Variants in BCOR observed in about 807,000 individuals in gnomAD.
BCOR encodes the protein BCL-6 corepressor.
A neutral mutation model predicts 86.7 loss-of-function variants in BCOR; 10 were observed. The ratio of observed to expected loss-of-function variants is 0.12; its 90% CI spans 0.07 to 0.20. BCOR has a LOEUF of 0.20. BCOR is among the 10% of genes least tolerant of loss of function. The pLI, the probability that BCOR is intolerant of heterozygous loss-of-function variation, is 1.00. For missense variants in BCOR, 1,259 were observed against 1,452.1 expected (o/e 0.87, Z 2.16); for synonymous variants, 611 against 609.0 (o/e 1.00, Z -0.05).
chrX:40,109,259 G>C (rs1385075774), intron 1 of BCOR, among the ~76,000 whole-genome samples: 1 of 112,123 alleles, frequency 8.9e-6, no homozygotes, highest in Non-Finnish European at 1.9e-5. Flanking sequence ...TCCTCGGCGC[G>C]GGTGCCCCCA....
At chrX:40,162,204 T>C (rs1207173773) in intron 1 of BCOR, among the ~76,000 whole-genome samples, 1 of 112,304 alleles carries the variant, frequency 8.9e-6, no homozygotes, top group East Asian at 2.8e-4. Flanking sequence ...TTCTTCTGGA[T>C]CAGAGACATA....
intron 7 of BCOR, 122 bp from the exon 8 acceptor site, chrX:40,064,074 G>T: frequency 1.5e-6 from 1 of 645,702 alleles, no homozygotes; most frequent in Non-Finnish European, 2.3e-6. Context: ...TTTGGGAAGG[G>T]GCCTAATCAT....
intron 1 of BCOR, among the ~76,000 whole-genome samples, chrX:40,152,590 G>A (rs1300820142): frequency 8.9e-6 from 1 of 112,900 alleles, no homozygotes; most frequent in Non-Finnish European, 1.9e-5. Flanking sequence ...CAAACACCAC[G>A]CCGCTTTCTC....
At chrX:40,104,160 G>A (rs1176020245) in intron 1 of BCOR, among the ~76,000 whole-genome samples, 1 of 111,394 alleles carries the variant, frequency 9.0e-6, no homozygotes, top group Non-Finnish European at 1.9e-5. Context: ...CCAAGCTCGC[G>A]GCTGGGTTTT....
chrX:40,080,815 CGTGTGTGTGTGT>C (rs533981374), intron 1 of BCOR, among the ~76,000 whole-genome samples: 1,848 of 65,959 alleles, frequency 0.028, 69 homozygotes, highest in East Asian at 0.064. Flanking sequence ...GGTTCACTGT[CGTGTGTGTGTGT>C]GTGTGTGTGT....
At chrX:40,172,153 C>T (rs973714749) in intron 1 of BCOR, among the ~76,000 whole-genome samples, 4 of 112,773 alleles carry the variant, frequency 3.5e-5, no homozygotes, top group African/African-American at 1.3e-4. Context: ...AGTCAAGCTG[C>T]GGCCAATGCA....
At position 40,064,572 on chromosome X, in the gene BCOR, C is replaced by G. The variant is rs772117755; in HGVS notation, c.3266G>C (p.Arg1089Pro). Residue 1089 changes from arginine (R) to proline (P), a missense_variant, in exon 7 of 15, where the codon CGT (arginine) becomes CCT (proline). Arg to Pro is a moderately radical substitution (Grantham distance 103, BLOSUM62 -2). Coordinates refer to ENST00000378444, the MANE Select transcript of BCOR (RefSeq NM_001123385.2). ...RCEYSVGNKH[R>P]DPFEAPEDKD... ...GTCCTCTGGGGCTTCAAAGGGATCA[C>G]GGTGCTTGTTTCCAACACTATACTC... 1 of 1,211,695 alleles carries G rather than the reference C, an allele frequency of 8.3e-7. No individual in the cohort carries two copies. Among genetic ancestry groups the G allele is most frequent in the Admixed American group, 2.2e-5 (1 of 46,118 alleles).
intron 6 of BCOR, 85 bp from the exon 7 acceptor site, chrX:40,064,684 A>G: frequency 9.4e-7 from 1 of 1,058,345 alleles, no homozygotes. Context: ...TGGGACCACC[A>G]TGCCCAAGGT....
intron 1 of BCOR, among the ~76,000 whole-genome samples, chrX:40,153,935 G>A (rs1938225557): frequency 9.1e-6 from 1 of 110,197 alleles, no homozygotes; most frequent in African/African-American, 3.3e-5. Context: ...GCGCCGTGGG[G>A]GGCAGGGGGC....
chrX:40,066,985 G>C (rs1204378074), intron 6 of BCOR, among the ~76,000 whole-genome samples: 1 of 92,129 alleles, frequency 1.1e-5, no homozygotes. Context: ...CTTTGGATTT[G>C]ACTTCCACAG....
chrX:40,120,476 G>A (rs998583414), intron 1 of BCOR, among the ~76,000 whole-genome samples: 14 of 111,536 alleles, frequency 1.3e-4, no homozygotes, highest in Non-Finnish European at 1.9e-4. Context: ...TTTTCTCTGC[G>A]CAGTTTTAGG....
rs2147996906 is a variant in BCOR at position 40,154,998 on chromosome X, T to C, written c.-41+22009A>G. 1.8e-5 allele frequency among the ~76,000 whole-genome samples: 2 copies of C among 110,284 alleles called. 1 individual carries two copies. Among genetic ancestry groups the C allele is most frequent in the South Asian group, 7.8e-4 (2 of 2,564 alleles). On this transcript the variant is annotated intron_variant, in intron 1 of 14. Transcript: ENST00000342274. ...CACACGCACGCGCGCGCGCGTCCTC[T>C]CCGCCTGCCCGAGCGCCCGCCGCGG... is the stretch of plus-strand genomic sequence containing the variant.
chrX:40,139,037 T>C (rs1347925745), intron 1 of BCOR, among the ~76,000 whole-genome samples: 1 of 109,317 alleles, frequency 9.1e-6, no homozygotes, highest in Non-Finnish European at 1.9e-5. Context: ...GGCTCCCCCA[T>C]ACTAACTACG....
At chrX:40,100,207 A>G (rs1295806632), upstream of BCOR, among the ~76,000 whole-genome samples, 1 of 113,047 alleles carries the variant, frequency 8.8e-6, no homozygotes, top group East Asian at 2.8e-4. Flanking sequence ...AAACAAGTCA[A>G]AAATAACCGG....
upstream of BCOR, among the ~76,000 whole-genome samples, chrX:40,101,266 C>T (rs1937068954): frequency 9.0e-6 from 1 of 111,623 alleles, no homozygotes; most frequent in Non-Finnish European, 1.9e-5. Flanking sequence ...GCCCCCTCCT[C>T]TCCTGCCCTC....
Position 40,052,143 on chromosome X carries a change from T to G in BCOR, c.5234A>C (p.His1745Pro), listed in dbSNP as rs587778100. Residue 1745 changes from histidine to proline, a missense_variant, in exon 15 of 15, where the codon CAC becomes CCC. Physicochemically the swap from His to Pro is moderately conservative, Grantham distance 77. Transcript: ENST00000378444. ...TLLGSSVEWL[H>P]PSDLASDNYW is the part of the protein sequence containing the mutation. ...GTTGTCTGAGGCCAGATCACTGGGG[T>G]GGAGCCACTCTACAGAGGAGCCCAG... is the stretch of plus-strand genomic sequence containing the variant. 8.3e-5 allele frequency: 100 copies of G among 1,200,230 alleles called. No individual in the cohort carries two copies. The highest frequency in any genetic ancestry group is 1.1e-4 in the Non-Finnish European group (94 of 889,804).
At chrX:40,155,123 C>G (rs949349721) in intron 1 of BCOR, among the ~76,000 whole-genome samples, 1 of 111,380 alleles carries the variant, frequency 9.0e-6, no homozygotes, top group Non-Finnish European at 1.9e-5. Flanking sequence ...GAGCCGGGGC[C>G]ACCTCGCCGT....
intron 1 of BCOR, among the ~76,000 whole-genome samples, chrX:40,095,154 C>A (rs373142112): frequency 7.2e-4 from 80 of 111,756 alleles, no homozygotes; most frequent in African/African-American, 2.3e-3. Flanking sequence ...CTTCCCCCCC[C>A]ACTCCGCTCT....
upstream of BCOR, among the ~76,000 whole-genome samples, chrX:40,099,342 G>A (rs1016385708): frequency 9.0e-5 from 10 of 111,584 alleles, no homozygotes; most frequent in South Asian, 3.9e-4. Context: ...GGGTAGGAGT[G>A]GGGGAGGGGG....
Sources: gnomAD v4.1 joint callset for allele counts (sites outside exome capture counted in the v4.1 genomes callset) on GRCh38, gnomAD v4.1.1 for gene constraint, MANE v1.5 for transcripts, NCBI Gene and HGNC (gene_info 2026-07-23, HGNC 2026-07-21) for gene names.